Variants in FES observed in about 807,000 individuals in gnomAD.
FES encodes FES proto-oncogene, tyrosine kinase.
In FES, 83 loss-of-function variants were observed where a neutral mutation model predicts 109.6. That is an observed-to-expected ratio of 0.76 (90% confidence interval 0.63 to 0.91). The LOEUF (loss-of-function observed/expected upper bound fraction) is 0.91. FES is among the 40% of genes least tolerant of loss of function. The probability of loss-of-function intolerance (pLI) is 0.00; values close to 1 mark genes in which losing one functional copy is unlikely to be tolerated. For missense variants in FES, 943 were observed against 1,070.9 expected (o/e 0.88, Z 1.67); for synonymous variants, 458 against 442.1 (o/e 1.04, Z -0.45).
Position 90,890,220 on chromosome 15 carries a change from C to T in FES, c.1178C>T (p.Pro393Leu). The change falls in exon 9 of 19, where the codon CCC becomes CTC. Residue 393 changes from proline to leucine, a missense_variant. By Grantham distance (98) the Pro-to-Leu change is moderately conservative. Coordinates refer to ENST00000328850, the MANE Select transcript of FES (RefSeq NM_002005.4). ...LLQTKLEHLG[P>L]GEPPPVLLLQ... ...CAGACCAAGCTGGAGCACCTGGGCC[C>T]CGGCGAGCCCCCGCCTGTGCTGCTC... The T allele has an allele frequency of 6.2e-7, 1 of 1,600,576 alleles. No individual in the cohort carries two copies.
chr15:90,893,425 G>A lies in FES; in HGVS notation c.2045+11G>A, dbSNP rs374983565. The A allele has an allele frequency of 1.4e-5, 22 of 1,531,514 alleles. No individual in the cohort carries two copies. Among genetic ancestry groups the A allele is most frequent in the East Asian group, 4.5e-5 (2 of 44,300 alleles). 94.9% of individuals were successfully genotyped at this position (1,531,514 alleles called of 1,614,324 possible). A position where few individuals can be genotyped will look rare whatever the true frequency, so the allele number is the denominator to read the frequency against. On this transcript the variant is annotated intron_variant, in intron 16 of 18. Transcript: ENST00000328850. ...GTGCTGCATCCACCGGTGAGTGGGC[G>A]GTGGCCACGGGCCCTGCCAACACCC...
At chr15:90,890,724 G>T (rs199942096) in intron 10 of FES, among the ~76,000 whole-genome samples, 2 of 147,492 alleles carry the variant, frequency 1.4e-5, no homozygotes, top group Non-Finnish European at 3.0e-5. Context: ...TCAGGAGCGG[G>T]TTGGGGGCCT....
At chr15:90,894,744 T>TGA (rs1301136224) in intron 18 of FES, among the ~76,000 whole-genome samples, 1 of 124,672 alleles carries the variant, frequency 8.0e-6, no homozygotes, top group African/African-American at 2.7e-5. Flanking sequence ...CCAACCTGGG[T>TGA]GACAGAGAGA....
rs75632404 is a variant in FES, at chr15:90,890,940, C to T, written c.1321-42C>T. On this transcript the variant is annotated intron_variant, in intron 10 of 18. Transcript: ENST00000328850. ...CCGGCTGCCCCCACGGCCTCTTCAA[C>T]AAGGTGGTTAAGTGACTCCTCCTCG... 2.4e-3 allele frequency: 3,723 copies of T among 1,536,474 alleles called. 80 individuals carry two copies. The African/African-American group carries it at 0.043, about 18-fold the overall frequency.
rs28628260 is a variant in FES at position 90,884,809 on chromosome 15, T to A, written c.-9-228T>A. 5.6e-4 allele frequency: 286 copies of A among 507,890 alleles called. 1 individual carries two copies. The highest frequency in any genetic ancestry group is 5.2e-3 in the African/African-American group (268 of 52,020). 31.5% of individuals were successfully genotyped at this position (507,890 alleles called of 1,614,324 possible). ...CTGGGGAGGGAGGCTCCAGGTTGGC[T>A]CCTGTTCCCGAACGTGCGGAGGAGA... is the stretch of plus-strand genomic sequence containing the variant. On this transcript the variant is annotated intron_variant, in intron 1 of 18. Coordinates refer to ENST00000328850, the MANE Select transcript of FES (RefSeq NM_002005.4).
Position 90,890,206 on chromosome 15 carries a change from G to T in FES, c.1164G>T (p.Leu388=). 6.2e-7 allele frequency: 1 copy of T among 1,601,618 alleles called. No individual in the cohort carries two copies. ...QAQQELLQTK[L]EHLGPGEPPP... ...AGCAGGAGTTGCTGCAGACCAAGCT[G>T]GAGCACCTGGGCCCCGGCGAGCCCC... The change falls in exon 9 of 19, where the codon CTG becomes CTT. Residue 388 remains leucine, a synonymous_variant. Coordinates refer to ENST00000328850, the MANE Select transcript of FES (RefSeq NM_002005.4).
At chr15:90,885,749 C>G (rs989406842) in intron 3 of FES, among the ~76,000 whole-genome samples, 164 bp downstream of exon 3, 1 of 152,236 alleles carries the variant, frequency 6.6e-6, no homozygotes, top group Non-Finnish European at 1.5e-5. Flanking sequence ...CCTTCCCCTA[C>G]GTTGAGCTGG....
intron 14 of FES, 41 bp from the exon 15 acceptor site, chr15:90,893,059 C>T (rs369083277): frequency 4.9e-5 from 78 of 1,589,922 alleles, no homozygotes; most frequent in Middle Eastern, 3.3e-4. Context: ...CCTGGGGAGG[C>T]GGGCCTGGCC....
In FES at chr15:90,885,518, G is replaced by A. The variant is rs780057583; in HGVS notation, c.320G>A (p.Arg107Gln). 7.4e-6 allele frequency: 12 copies of A among 1,613,102 alleles called. No homozygotes were observed. Among genetic ancestry groups the A allele is most frequent in the South Asian group, 6.6e-5 (6 of 91,074 alleles). The change falls in exon 3 of 19, where the codon CGG becomes CAG. Residue 107 changes from arginine (R) to glutamine (Q), a missense_variant. By Grantham distance (43) the Arg-to-Gln change is conservative. Coordinates refer to ENST00000328850, the MANE Select transcript of FES (RefSeq NM_002005.4). Reference protein sequence around the residue: ...GPLSKLSLLIRERQQLRKTYS... With the variant: ...GPLSKLSLLIQERQQLRKTYS... ...CTGAGCAAGCTGAGCCTGCTCATCC[G>A]GGAACGGCAGCAGCTTCGCAAGACC...
intron 17 of FES, 48 bp downstream of exon 17, chr15:90,893,859 T>C: frequency 1.2e-6 from 2 of 1,604,868 alleles, no homozygotes; most frequent in Non-Finnish European, 1.7e-6. Flanking sequence ...AGGCCAGGCC[T>C]GGGTCCTGCC....
At chr15:90,888,980 T>C (rs982581812) in intron 5 of FES, among the ~76,000 whole-genome samples, 1 of 151,972 alleles carries the variant, frequency 6.6e-6, no homozygotes, top group Non-Finnish European at 1.5e-5. Flanking sequence ...TCAGTAGAGA[T>C]GGGGTTTCAC....
rs757503210 is a variant in FES, at chr15:90,894,078, A to C, written c.2326+20A>C. 3 of 1,612,950 alleles carry C rather than the reference A, an allele frequency of 1.9e-6. No homozygotes were observed. Among genetic ancestry groups the C allele is most frequent in the Non-Finnish European group, 2.5e-6 (3 of 1,179,678 alleles). ...AGAAGGGTAAGCACCCTGTGATGAC[A>C]GCAGCCTCAGGCTGCACCCTCTTCC... On this transcript the variant is annotated intron_variant, in intron 18 of 18. Coordinates refer to ENST00000328850, the MANE Select transcript of FES (RefSeq NM_002005.4).
In FES at chr15:90,887,389, C is replaced by T. The variant is rs1277801527; in HGVS notation, c.668+19C>T. The T allele has an allele frequency of 1.3e-6, 2 of 1,589,582 alleles. No homozygotes were observed. Among genetic ancestry groups the T allele is most frequent in the East Asian group, 4.5e-5 (2 of 44,386 alleles). On this transcript the variant is annotated intron_variant, in intron 5 of 18. Coordinates refer to ENST00000328850, the MANE Select transcript of FES (RefSeq NM_002005.4). ...GCATCCTGTAAGCCCGCAGCCCCGT[C>T]CCCTGGCCCCCACCCTTGAGCAGCC...
In FES at chr15:90,885,199, T is replaced by A. The variant is rs2032452863; in HGVS notation, c.154T>A (p.Ser52Thr). The part of the protein sequence containing the change: ...REYAGLLHHM[S>T]LQDSGGQSRA... ...GTATGCAGGACTGCTTCACCACATG[T>A]CCCTGCAGGACAGTGGGGGCCAGAG... The change falls in exon 2 of 19, where the codon TCC becomes ACC. Residue 52 changes from serine to threonine, a missense_variant. Transcript: ENST00000328850. The A allele has an allele frequency of 1.2e-6, 2 of 1,613,586 alleles. No homozygotes were observed. The highest frequency in any genetic ancestry group is 1.7e-6 in the Non-Finnish European group (2 of 1,180,028).
In FES at chr15:90,893,127, C is replaced by A. The variant is rs2033383965; in HGVS notation, c.1854C>A (p.Asn618Lys). 6.2e-7 allele frequency: 1 copy of A among 1,613,842 alleles called. No individual in the cohort carries two copies. The highest frequency in any genetic ancestry group is 1.3e-5 in the African/African-American group (1 of 74,942). The change falls in exon 15 of 19, where the codon AAC (asparagine) becomes AAA (lysine). Residue 618 changes from asparagine to lysine, a missense_variant. Physicochemically the swap from Asn to Lys is moderately conservative, Grantham distance 94. Coordinates refer to ENST00000328850, the MANE Select transcript of FES (RefSeq NM_002005.4). ...TCCTGAAGCAGTACAGCCACCCCAA[C>A]ATCGTGCGTCTCATTGGTGTCTGCA... ...ARILKQYSHP[N>K]IVRLIGVCTQ...
chr15:90,887,122 C>A lies in FES; in HGVS notation c.484+65C>A, dbSNP rs552812878. On this transcript the variant is annotated intron_variant, in intron 4 of 18. Coordinates refer to ENST00000328850, the MANE Select transcript of FES (RefSeq NM_002005.4). ...CCAGTGCTGACCTGTCCTTGGGTAC[C>A]CAGAGAGTGGGGGCTGCCTGGGCCT... 6.7e-5 allele frequency: 108 copies of A among 1,612,552 alleles called. No homozygotes were observed. The Middle Eastern group carries it at 1.8e-3, about 27-fold the overall frequency.
intron 18 of FES, among the ~76,000 whole-genome samples, chr15:90,894,528 T>G (rs1404761012): frequency 1.3e-5 from 2 of 152,026 alleles, no homozygotes; most frequent in Non-Finnish European, 2.9e-5. Context: ...GAGGCTGCAG[T>G]GAGCCGAGAT....
intron 5 of FES, among the ~76,000 whole-genome samples, chr15:90,888,811 T>G (rs1796772219): frequency 6.6e-6 from 1 of 151,922 alleles, no homozygotes; most frequent in African/African-American, 2.4e-5. Flanking sequence ...TGTAGTCTCA[T>G]TCTTTCGCCA....
Position 90,885,260 on chromosome 15 carries a change from T to A in FES, c.213+2T>A. 2.5e-6 allele frequency: 4 copies of A among 1,611,030 alleles called. No individual in the cohort carries two copies. Among genetic ancestry groups the A allele is most frequent in the Non-Finnish European group, 3.4e-6 (4 of 1,179,394 alleles). ...AGCCCTGACAGCCCCATCAGTCAGG[T>A]GGGTCTCTATGGGACTCTGGTGGGT... On this transcript the variant is annotated splice_donor_variant, in intron 2 of 18. Coordinates refer to ENST00000328850, the MANE Select transcript of FES (RefSeq NM_002005.4). LOFTEE classifies it high-confidence loss of function.
Sources: gnomAD v4.1 joint callset for allele counts (sites outside exome capture counted in the v4.1 genomes callset) on GRCh38, gnomAD v4.1.1 for gene constraint, MANE v1.5 for transcripts, NCBI Gene and HGNC (gene_info 2026-07-23, HGNC 2026-07-21) for gene names.